The following SEMA6A variants were observed in gnomAD, a reference collection of about 807,000 sequenced individuals.
The protein encoded by SEMA6A is semaphorin-6A.
Under a neutral mutation model 96.8 loss-of-function variants are expected in SEMA6A, and 25 were observed. That is an observed-to-expected ratio of 0.26 (90% CI 0.19 to 0.36). SEMA6A has a LOEUF of 0.36. Among genes scored for constraint, SEMA6A ranks in the 10% least tolerant of loss-of-function variants. SEMA6A has a pLI of 1.00. For missense variants in SEMA6A, 1,363 were observed against 1,323.1 expected (o/e 1.03, Z -0.47); for synonymous variants, 612 against 518.0 (o/e 1.18, Z -2.46).
chr5:116,473,953 C>T (rs1388521965), intron 16 of SEMA6A, among the ~76,000 whole-genome samples: 1 of 152,180 alleles, frequency 6.6e-6, no homozygotes, highest in Non-Finnish European at 1.5e-5. Flanking sequence ...AAGGCAGATC[C>T]AGGGGCTTGC....
intron 12 of SEMA6A, among the ~76,000 whole-genome samples, chr5:116,479,898 T>G (rs1756664556): frequency 6.6e-6 from 1 of 152,198 alleles, no homozygotes; most frequent in Non-Finnish European, 1.5e-5. Context: ...CTCTAATTGC[T>G]GGCATGTGTC....
intron 1 of SEMA6A, among the ~76,000 whole-genome samples, chr5:116,547,053 T>C (rs1314063308): frequency 6.6e-6 from 1 of 152,254 alleles, no homozygotes; most frequent in Non-Finnish European, 1.5e-5. Context: ...GCTTATTGTC[T>C]GATTTCCATT....
intron 1 of SEMA6A, among the ~76,000 whole-genome samples, chr5:116,572,028 GGGGA>G (rs1761236048): frequency 6.6e-6 from 1 of 152,166 alleles, no homozygotes; most frequent in African/African-American, 2.4e-5. Flanking sequence ...GTGTCCACCA[GGGGA>G]AGGACGACGA....
chr5:116,455,914 T>C (rs974013527), intron 18 of SEMA6A, among the ~76,000 whole-genome samples: 2 of 152,134 alleles, frequency 1.3e-5, no homozygotes, highest in African/African-American at 4.8e-5. Flanking sequence ...TGAGCATTGT[T>C]GGAAGGACTA....
chr5:116,484,755 C>A (rs969921944), intron 10 of SEMA6A, among the ~76,000 whole-genome samples: 1 of 152,156 alleles, frequency 6.6e-6, no homozygotes, highest in Non-Finnish European at 1.5e-5. Context: ...ATTTGAAGTA[C>A]CCGCAGGGTT....
intron 9 of SEMA6A, chr5:116,487,176 T>C (rs1197728227): frequency 1.9e-6 from 1 of 524,842 alleles, no homozygotes; most frequent in East Asian, 3.3e-5. Flanking sequence ...GGCTGTGGCA[T>C]TTAATACAGA....
intron 1 of SEMA6A, among the ~76,000 whole-genome samples, chr5:116,522,529 T>C (rs1038493151): frequency 8.5e-5 from 13 of 152,310 alleles, no homozygotes; most frequent in African/African-American, 3.1e-4. Flanking sequence ...GGCTGGTGGT[T>C]TACACAGCAC....
At chr5:116,469,960 T>C (rs1756012995) in intron 17 of SEMA6A, among the ~76,000 whole-genome samples, 2 of 152,190 alleles carry the variant, frequency 1.3e-5, no homozygotes, top group African/African-American at 4.8e-5. Context: ...CTCGATTTTC[T>C]ATATGTAAAT....
chr5:116,478,109 C>T lies in SEMA6A; in HGVS notation c.1473G>A (p.Gln491=). The T allele has an allele frequency of 6.2e-7, 1 of 1,613,944 alleles. No individual in the cohort carries two copies. The highest frequency in any genetic ancestry group is 1.3e-5 in the African/African-American group (1 of 75,042). ...GVEDKRIMGM[Q]LDRASSSLYV... ...ACAGAGAGCTGCTTGCTCTGTCCAG[C>T]TGCATGCCCATGATCCTTTTGTCTT... is the stretch of plus-strand genomic sequence containing the variant. The change falls in exon 14 of 19, where the codon CAG becomes CAA. Residue 491 remains glutamine (Q), a synonymous_variant. Coordinates refer to ENST00000343348, the MANE Select transcript of SEMA6A (RefSeq NM_020796.5).
At chr5:116,502,979 G>A (rs566910610) in intron 2 of SEMA6A, among the ~76,000 whole-genome samples, 14 of 152,226 alleles carry the variant, frequency 9.2e-5, no homozygotes, top group Non-Finnish European at 1.3e-4. Context: ...AGTGTAGCCA[G>A]TCAGGTGATC....
chr5:116,475,053 A>T (rs1424685345), intron 16 of SEMA6A, among the ~76,000 whole-genome samples: 1 of 152,032 alleles, frequency 6.6e-6, no homozygotes, highest in Non-Finnish European at 1.5e-5. Flanking sequence ...TATTTCTGAA[A>T]TTTTTTTTCC....
chr5:116,465,922 G>A (rs1488717776), intron 18 of SEMA6A, among the ~76,000 whole-genome samples: 1 of 152,028 alleles, frequency 6.6e-6, no homozygotes, highest in Non-Finnish European at 1.5e-5. Context: ...GAGGTCAGGA[G>A]CCACACATAA....
At chr5:116,502,087 C>A in intron 3 of SEMA6A, 123 bp downstream of exon 3, 3 of 691,130 alleles carry the variant, frequency 4.3e-6, no homozygotes, top group East Asian at 2.6e-5. Flanking sequence ...TTAAAGGAGG[C>A]TTTAAGTTAA....
At chr5:116,549,460 T>C (rs1429194974) in intron 1 of SEMA6A, among the ~76,000 whole-genome samples, 1 of 152,066 alleles carries the variant, frequency 6.6e-6, no homozygotes, top group Non-Finnish European at 1.5e-5. Flanking sequence ...GGTATGGAGG[T>C]AGCTCAAGCT....
At chr5:116,530,670 C>T (rs1245927177) in intron 1 of SEMA6A, among the ~76,000 whole-genome samples, 1 of 152,004 alleles carries the variant, frequency 6.6e-6, no homozygotes, top group African/African-American at 2.4e-5. Context: ...TTATTTAAAA[C>T]TGTTTGGACT....
At position 116,446,290 on chromosome 5, in the gene SEMA6A, G is replaced by T. The variant is rs1393620855; in HGVS notation, c.*323C>A. 2 of 250,332 alleles carry T rather than the reference G, an allele frequency of 8.0e-6. No individual in the cohort carries two copies. Among genetic ancestry groups the T allele is most frequent in the Non-Finnish European group, 1.5e-5 (2 of 130,788 alleles). 15.5% of individuals were successfully genotyped at this position (250,332 alleles called of 1,614,324 possible). On this transcript the variant is annotated 3_prime_UTR_variant, in exon 19 of 19. Transcript: ENST00000343348. ...TGTGTGTGTGTGTGTGTGTGTGGGG[G>T]TGGGGGATGGGGTAGGTATGTGCTT...
At chr5:116,568,850 T>G (rs1321816360) in intron 1 of SEMA6A, among the ~76,000 whole-genome samples, 1 of 150,104 alleles carries the variant, frequency 6.7e-6, no homozygotes, top group African/African-American at 2.5e-5. Context: ...ACACACACAT[T>G]CATGCATGAA....
rs186490524 is a variant in SEMA6A, at chr5:116,462,878, A to G, written c.1894+4705T>C. 1.8e-3 allele frequency among the ~76,000 whole-genome samples: 270 copies of G among 152,262 alleles called. 2 individuals are homozygous for G. The highest frequency in any genetic ancestry group is 5.6e-3 in the African/African-American group (234 of 41,562). The stretch of plus-strand genomic sequence containing the variant: ...CATAACAATGAATCTCACCTACCAT[A>G]TTATTTACTTAGTATTTTTATATCC... On this transcript the variant is annotated intron_variant, in intron 18 of 18. Coordinates refer to ENST00000343348, the MANE Select transcript of SEMA6A (RefSeq NM_020796.5).
chr5:116,533,858 G>A lies in SEMA6A; in HGVS notation c.-38-28876C>T, dbSNP rs191803876. ...CCCTCCAGTCTCCACTTAGGTCCAT[G>A]GCTGCCTCTCCTTCACCTATGCTGG... On this transcript the variant is annotated intron_variant, in intron 1 of 18. Coordinates refer to ENST00000343348, the MANE Select transcript of SEMA6A (RefSeq NM_020796.5). 3.7e-4 allele frequency among the ~76,000 whole-genome samples: 56 copies of A among 152,220 alleles called. 1 individual carries two copies. Among genetic ancestry groups the A allele is most frequent in the Admixed American group, 2.2e-3 (33 of 15,284 alleles).
Sources: allele counts gnomAD v4.1 joint callset (sites outside exome capture counted in the v4.1 genomes callset), GRCh38; gene constraint gnomAD v4.1.1; transcripts MANE v1.5; gene names NCBI Gene and HGNC (gene_info 2026-07-23, HGNC 2026-07-21).